The following GULP1 variants were observed in gnomAD, a reference collection of about 807,000 sequenced individuals.
The protein encoded by GULP1 is GULP PTB domain containing engulfment adaptor 1.
Under a neutral mutation model 40.9 loss-of-function variants are expected in GULP1, and 19 were observed. The observed-to-expected ratio is 0.46, with a 90% CI of 0.32 to 0.68. GULP1 has a LOEUF of 0.68. Ranked by LOEUF, GULP1 falls within the 30% of genes least tolerant of loss-of-function variation. The pLI is 0.03. For missense variants in GULP1, 312 were observed against 362.2 expected (o/e 0.86, Z 1.12); for synonymous variants, 119 against 117.6 (o/e 1.01, Z -0.08).
chr2:188,461,418 TCAAG>T (rs1173683784), intron 2 of GULP1, among the ~76,000 whole-genome samples: 1 of 148,284 alleles, frequency 6.7e-6, no homozygotes, highest in Non-Finnish European at 1.5e-5. Flanking sequence ...CCTCCTAAAC[TCAAG>T]CAATTCTCCT....
At chr2:188,352,728 G>A (rs2044674909) in intron 1 of GULP1, among the ~76,000 whole-genome samples, 1 of 151,552 alleles carries the variant, frequency 6.6e-6, no homozygotes, top group South Asian at 2.1e-4. Flanking sequence ...GTATGTTTCA[G>A]TAAGATTTCA....
chr2:188,510,081 T>C (rs1441963957), intron 4 of GULP1, among the ~76,000 whole-genome samples: 1 of 152,088 alleles, frequency 6.6e-6, no homozygotes, highest in Admixed American at 6.6e-5. Flanking sequence ...ATTTAAAGAA[T>C]CTTCTCTCCA....
chr2:188,450,462 A>G (rs2058747910), intron 2 of GULP1, among the ~76,000 whole-genome samples: 1 of 152,130 alleles, frequency 6.6e-6, no homozygotes, highest in African/African-American at 2.4e-5. Context: ...GATGTAGGAA[A>G]CTAGCTTAGT....
intron 7 of GULP1, among the ~76,000 whole-genome samples, chr2:188,555,072 T>A (rs1559373948): frequency 6.6e-6 from 1 of 152,120 alleles, no homozygotes; most frequent in Non-Finnish European, 1.5e-5. Context: ...AGCATATATT[T>A]GGATCATTTA....
At position 188,474,890 on chromosome 2, in the gene GULP1, T is replaced by G. The variant is rs2153025407; in HGVS notation, c.-44-2769T>G. 3.9e-5 allele frequency among the ~76,000 whole-genome samples: 6 copies of G among 152,292 alleles called. No homozygotes were observed. In the South Asian group the frequency reaches 1.2e-3, roughly 32 times the overall value. On this transcript the variant is annotated intron_variant, in intron 2 of 11. Coordinates refer to ENST00000409830, the MANE Select transcript of GULP1 (RefSeq NM_016315.4). The stretch of plus-strand genomic sequence containing the variant: ...CACTAAAACAATATTTGTGAAAAGT[T>G]TCTCTATAAAGAAGGATTTATGTTA...
rs1334059195 is a variant in GULP1, at chr2:188,594,929, C to T, written c.*918C>T. The T allele has an allele frequency of 1.3e-5, 2 of 151,528 alleles. No homozygotes were observed. Among genetic ancestry groups the T allele is most frequent in the African/African-American group, 4.8e-5 (2 of 41,358 alleles). The allele number at this position is 151,528 out of a possible 1,614,324, so 9.4% of individuals were successfully genotyped here. On this transcript the variant is annotated 3_prime_UTR_variant, in exon 12 of 12. Coordinates refer to ENST00000409830, the MANE Select transcript of GULP1 (RefSeq NM_016315.4). Reference sequence around the variant, plus strand: ...TCTTCTTTGATGAAGATATTTTTCACCAAAGTTTATTTTGTGATGCCCTCT... The same window carrying T: ...TCTTCTTTGATGAAGATATTTTTCATCAAAGTTTATTTTGTGATGCCCTCT...
At chr2:188,378,538 C>A (rs1309151447) in intron 1 of GULP1, among the ~76,000 whole-genome samples, 1 of 152,144 alleles carries the variant, frequency 6.6e-6, no homozygotes, top group Non-Finnish European at 1.5e-5. Flanking sequence ...CTATATACGA[C>A]ACATGGTGCC....
chr2:188,460,738 G>A (rs1177944009), intron 2 of GULP1, among the ~76,000 whole-genome samples: 1 of 152,072 alleles, frequency 6.6e-6, no homozygotes, highest in Non-Finnish European at 1.5e-5. Flanking sequence ...AGATTTCAGG[G>A]GTAAGGCTTT....
At chr2:188,343,075 G>A (rs2152194884) in intron 1 of GULP1, among the ~76,000 whole-genome samples, 1 of 152,206 alleles carries the variant, frequency 6.6e-6, no homozygotes, top group African/African-American at 2.4e-5. Context: ...GCACCTTAGA[G>A]AGAAAAGACA....
chr2:188,326,358 A>G (rs2040767931), intron 1 of GULP1, among the ~76,000 whole-genome samples: 2 of 152,168 alleles, frequency 1.3e-5, no homozygotes, highest in Non-Finnish European at 2.9e-5. Flanking sequence ...AAATCCTGCA[A>G]AAATAAGTGA....
At chr2:188,587,643 A>G (rs1052086807) in intron 10 of GULP1, among the ~76,000 whole-genome samples, 15 of 152,182 alleles carry the variant, frequency 9.9e-5, no homozygotes, top group African/African-American at 2.2e-4. Context: ...ATTCTTTATA[A>G]TAAAACTTTT....
chr2:188,303,812 A>G (rs1347101618), intron 1 of GULP1, among the ~76,000 whole-genome samples: 1 of 152,196 alleles, frequency 6.6e-6, no homozygotes, highest in Non-Finnish European at 1.5e-5. Flanking sequence ...CATGCTTGAG[A>G]TGCTTGCTTT....
chr2:188,352,379 G>T (rs2044573103), intron 1 of GULP1, among the ~76,000 whole-genome samples: 1 of 151,934 alleles, frequency 6.6e-6, no homozygotes, highest in African/African-American at 2.4e-5. Context: ...TGTCTTACTG[G>T]CTATTCTTGG....
intron 7 of GULP1, among the ~76,000 whole-genome samples, chr2:188,566,987 C>G (rs1223641488): frequency 6.6e-6 from 1 of 151,720 alleles, no homozygotes; most frequent in East Asian, 1.9e-4. Flanking sequence ...AGAGACACTT[C>G]TCAAAAGAAG....
chr2:188,362,010 A>G (rs2046162994), intron 1 of GULP1, among the ~76,000 whole-genome samples: 1 of 152,028 alleles, frequency 6.6e-6, no homozygotes, highest in African/African-American at 2.4e-5. Context: ...AAAAGTAAAA[A>G]TTATTTCATG....
At chr2:188,571,582 T>C (rs1699042133) in intron 9 of GULP1, among the ~76,000 whole-genome samples, 1 of 152,176 alleles carries the variant, frequency 6.6e-6, no homozygotes, top group African/African-American at 2.4e-5. Context: ...TATTCCTTCT[T>C]ATTTTTTCTT....
intron 4 of GULP1, among the ~76,000 whole-genome samples, chr2:188,493,452 C>G (rs897264053): frequency 6.6e-6 from 1 of 151,984 alleles, no homozygotes; most frequent in African/African-American, 2.4e-5. Flanking sequence ...TGGGTTCTAT[C>G]GTTAGAACAT....
chr2:188,567,015 A>G (rs372738716), intron 7 of GULP1, among the ~76,000 whole-genome samples: 2 of 152,078 alleles, frequency 1.3e-5, no homozygotes, highest in African/African-American at 4.8e-5. Flanking sequence ...TGCAGCCAAG[A>G]AGCATATGAA....
intron 1 of GULP1, among the ~76,000 whole-genome samples, chr2:188,359,111 G>C (rs1456517269): frequency 6.6e-6 from 1 of 152,080 alleles, no homozygotes; most frequent in East Asian, 1.9e-4. Context: ...AGTGTTTTAA[G>C]TTGGATTTGG....
Sources: gnomAD v4.1 joint callset for allele counts (sites outside exome capture counted in the v4.1 genomes callset) on GRCh38, gnomAD v4.1.1 for gene constraint, MANE v1.5 for transcripts, NCBI Gene and HGNC (gene_info 2026-07-23, HGNC 2026-07-21) for gene names.